Variants in ELP4 observed in about 807,000 individuals in gnomAD.
ELP4 encodes elongator complex protein 4.
A neutral mutation model predicts 48.9 loss-of-function variants in ELP4; 51 were observed. The observed-to-expected ratio is 1.04, with a 90% CI of 0.83 to 1.32. The LOEUF is 1.32. Among genes scored for constraint, ELP4 ranks in the 40% most tolerant of loss-of-function variants. The pLI is 0.00. For missense variants in ELP4, 519 were observed against 514.6 expected, an observed-to-expected ratio of 1.01 and a Z score of -0.08; for synonymous variants, 210 against 189.2, an observed-to-expected ratio of 1.11 and a Z score of -0.90.
intron 2 of ELP4, among the ~76,000 whole-genome samples, chr11:31,529,233 C>T (rs1264526207): frequency 6.6e-6 from 1 of 152,024 alleles, no homozygotes; most frequent in African/African-American, 2.4e-5. Flanking sequence ...TTTTTAACCA[C>T]ATGTTGAGTA....
At chr11:31,522,563 T>C (rs1414039028) in intron 2 of ELP4, among the ~76,000 whole-genome samples, 1 of 152,222 alleles carries the variant, frequency 6.6e-6, no homozygotes. Context: ...AAAATTTAAA[T>C]TAATTCCATC....
rs181321856 is a variant in ELP4, at chr11:31,728,805, A to T, written c.1144-54588A>T. Among the ~76,000 whole-genome samples the T allele has an allele frequency of 1.4e-3, 220 of 152,304 alleles. 2 individuals carry two copies. The highest frequency in any genetic ancestry group is 1.5e-4 in the Non-Finnish European group (10 of 68,016). ...AATTTTAAGATTTTCCTTAGTGTTC[A>T]TGTGTACTTTCAGTGCTTTTAACCT... is the stretch of plus-strand genomic sequence containing the variant. On this transcript the variant is annotated intron_variant, in intron 9 of 9. Transcript: ENST00000640961.
chr11:31,637,706 T>G (rs977511250), intron 7 of ELP4, among the ~76,000 whole-genome samples: 5 of 152,128 alleles, frequency 3.3e-5, no homozygotes, highest in Middle Eastern at 3.4e-3. Context: ...AATAATTTGT[T>G]GTTCTGTAAA....
chr11:31,699,228 A>G (rs117332466), intron 9 of ELP4, among the ~76,000 whole-genome samples: 1 of 152,260 alleles, frequency 6.6e-6, no homozygotes, highest in Non-Finnish European at 1.5e-5. Context: ...CAAGATAGCT[A>G]ATTCTAGGAT....
intron 3 of ELP4, among the ~76,000 whole-genome samples, chr11:31,544,948 T>G (rs1956672241): frequency 6.6e-6 from 1 of 152,104 alleles, no homozygotes; most frequent in Admixed American, 6.5e-5. Context: ...GGGTCCTGTC[T>G]GTTAGAAGGA....
chr11:31,691,492 G>T (rs1489949566), intron 9 of ELP4, among the ~76,000 whole-genome samples: 1 of 151,954 alleles, frequency 6.6e-6, no homozygotes, highest in African/African-American at 2.4e-5. Flanking sequence ...TTAAAGTCAG[G>T]CATAAATTGT....
intron 3 of ELP4, among the ~76,000 whole-genome samples, chr11:31,540,579 C>A (rs1359283411): frequency 1.3e-5 from 2 of 152,112 alleles, no homozygotes; most frequent in South Asian, 2.1e-4. Context: ...CTGGGCCTCC[C>A]AAAGTTCTGG....
intron 9 of ELP4, among the ~76,000 whole-genome samples, chr11:31,677,782 G>T (rs1424761595): frequency 6.6e-6 from 1 of 152,144 alleles, no homozygotes; most frequent in African/African-American, 2.4e-5. Context: ...TCATTCCTCA[G>T]TTTCCCCTAT....
At chr11:31,701,846 G>A (rs1438932802) in intron 9 of ELP4, among the ~76,000 whole-genome samples, 1 of 151,032 alleles carries the variant, frequency 6.6e-6, no homozygotes, top group Non-Finnish European at 1.5e-5. Context: ...TTTTAAAATG[G>A]GTAAACAAAA....
rs571809825 is a variant in ELP4, at chr11:31,659,964, C to G, written c.1143+9743C>G. 3.3e-5 allele frequency among the ~76,000 whole-genome samples: 5 copies of G among 152,208 alleles called. No homozygotes were observed. In the South Asian group the frequency reaches 1.0e-3, roughly 32 times the overall value. ...CCAAGATCATGCCATTGCACTCCAGCCTGGGCAACAGTGCGAGACTCCATC... is the reference window on the plus strand; with the variant it reads ...CCAAGATCATGCCATTGCACTCCAGGCTGGGCAACAGTGCGAGACTCCATC... On this transcript the variant is annotated intron_variant, in intron 9 of 9. Transcript: ENST00000640961.
intron 9 of ELP4, among the ~76,000 whole-genome samples, chr11:31,667,824 C>G (rs1236875270): frequency 2.0e-5 from 3 of 152,096 alleles, no homozygotes; most frequent in Non-Finnish European, 2.9e-5. Context: ...TATACACTGA[C>G]TCGTGCTACT....
At chr11:31,719,462 C>T (rs2134183787) in intron 9 of ELP4, 1 of 397,990 alleles carries the variant, frequency 2.5e-6, no homozygotes, top group Non-Finnish European at 4.4e-6. Flanking sequence ...TGAAATTTCT[C>T]ATTTTATTAG....
Position 31,785,862 on chromosome 11 carries a change from T to A in ELP4, c.*2338T>A, listed in dbSNP as rs908851476. ...ATACACTCCATTAACAGATTTTTTT[T>A]AATTATCAGCTTGACTCAAAGATAT... On this transcript the variant is annotated 3_prime_UTR_variant, in exon 10 of 10. Coordinates refer to ENST00000640961, the MANE Select transcript of ELP4 (RefSeq NM_019040.5). 6.1e-5 allele frequency: 12 copies of A among 196,318 alleles called. No individual in the cohort carries two copies. The highest frequency in any genetic ancestry group is 1.9e-4 in the South Asian group (1 of 5,210). The allele number at this position is 196,318 out of a possible 1,614,324, so 12.2% of individuals were successfully genotyped here. A position where few individuals can be genotyped will look rare whatever the true frequency, so the allele number is the denominator to read the frequency against.
chr11:31,698,137 G>A (rs986009416), intron 9 of ELP4, among the ~76,000 whole-genome samples: 1 of 152,054 alleles, frequency 6.6e-6, no homozygotes, highest in African/African-American at 2.4e-5. Flanking sequence ...CGGGGGTGGC[G>A]TGTTAGTCTA....
At chr11:31,630,373 G>A (rs928732806) in intron 6 of ELP4, among the ~76,000 whole-genome samples, 1 of 150,440 alleles carries the variant, frequency 6.6e-6, no homozygotes, top group South Asian at 2.1e-4. Flanking sequence ...CTGTCACCCA[G>A]GCTGGAGTGA....
At chr11:31,739,260 A>G (rs892089143) in intron 9 of ELP4, among the ~76,000 whole-genome samples, 12 of 152,230 alleles carry the variant, frequency 7.9e-5, no homozygotes, top group African/African-American at 1.9e-4. Flanking sequence ...ATACATGACT[A>G]TAATTAATTG....
rs754530285 is a variant in ELP4 at position 31,783,471 on chromosome 11, C to T, written c.1222C>T (p.Leu408=). 2 of 1,614,020 alleles carry T rather than the reference C, an allele frequency of 1.2e-6. No individual in the cohort carries two copies. The highest frequency in any genetic ancestry group is 1.7e-6 in the Non-Finnish European group (2 of 1,179,978). Reference sequence around the variant, plus strand: ...GGATCTGGCAGAATCCGCCAAGCGGCTGGGCCCAGGCTGTGGCATGATGGC... The same window carrying T: ...GGATCTGGCAGAATCCGCCAAGCGGTTGGGCCCAGGCTGTGGCATGATGGC... ...KMDLAESAKR[L]GPGCGMMAGG... Residue 408 remains leucine, a synonymous_variant, in exon 10 of 10, where the codon CTG becomes TTG. Coordinates refer to ENST00000640961, the MANE Select transcript of ELP4 (RefSeq NM_019040.5).
Position 31,785,060 on chromosome 11 carries a change from T to C in ELP4, c.*1536T>C, listed in dbSNP as rs1948506044. 4 of 180,958 alleles carry C rather than the reference T, an allele frequency of 2.2e-5. No individual in the cohort carries two copies. In the South Asian group the frequency reaches 5.9e-4, roughly 27 times the overall value. 11.2% of individuals were successfully genotyped at this position (180,958 alleles called of 1,614,324 possible). On this transcript the variant is annotated 3_prime_UTR_variant, in exon 10 of 10. Transcript: ENST00000640961. ...CCCCATTTTCTTTTCAAAATAAAGT[T>C]TCAGAATTGATCTGTCAGTTAAAAT...
At chr11:31,683,514 A>G (rs2134126541) in intron 9 of ELP4, among the ~76,000 whole-genome samples, 1 of 152,324 alleles carries the variant, frequency 6.6e-6, no homozygotes, top group Non-Finnish European at 1.5e-5. Flanking sequence ...AAGCTCTTCT[A>G]AATTTTGTGA....
Sources: allele counts gnomAD v4.1 joint callset (sites outside exome capture counted in the v4.1 genomes callset), GRCh38; gene constraint gnomAD v4.1.1; transcripts MANE v1.5; gene names NCBI Gene and HGNC (gene_info 2026-07-23, HGNC 2026-07-21).